Variants in CRYGB observed in about 807,000 individuals in gnomAD.
CRYGB encodes gamma-crystallin B.
In CRYGB, 19 loss-of-function variants were observed where a neutral mutation model predicts 21.3. The observed-to-expected ratio is 0.89, with a 90% CI of 0.62 to 1.31. CRYGB has a LOEUF of 1.31. CRYGB is among the 50% of genes most tolerant of loss of function. CRYGB has a pLI of 0.00. For missense variants in CRYGB, 254 were observed against 228.4 expected (o/e 1.11, Z -0.72); for synonymous variants, 81 against 81.2 (o/e 1.00, Z 0.01).
At chr2:208,145,620 C>T (rs1194727510) in intron 2 of CRYGB, among the ~76,000 whole-genome samples, 154 bp downstream of exon 2, 1 of 133,048 alleles carries the variant, frequency 7.5e-6, no homozygotes, top group African/African-American at 2.9e-5. Context: ...ACCCGGGAGG[C>T]GGAAGTTGCA....
At chr2:208,144,871 G>A (rs1331053782) in intron 2 of CRYGB, among the ~76,000 whole-genome samples, 6 of 152,046 alleles carry the variant, frequency 3.9e-5, no homozygotes, top group Non-Finnish European at 7.4e-5. Flanking sequence ...GTGAGCCACC[G>A]CACCCAGCCT....
Position 208,145,909 on chromosome 2 carries a change from C to G in CRYGB, c.117G>C (p.Glu39Asp). ...GCTCATAGATCATCCAGCAGCCGCT[C>G]TCCACCCTGATGGAGTTGCAGCGGC... ...YFSRCNSIRV[E>D]SGCWMIYERP... Residue 39 changes from glutamate (E) to aspartate (D), a missense_variant, in exon 2 of 3, where the codon GAG becomes GAC. Transcript: ENST00000260988. 1 of 1,614,108 alleles carries G rather than the reference C, an allele frequency of 6.2e-7. No individual in the cohort carries two copies. Among genetic ancestry groups the G allele is most frequent in the Non-Finnish European group, 8.5e-7 (1 of 1,180,036 alleles).
Position 208,145,834 on chromosome 2 carries a change from A to G in CRYGB, c.192T>C (p.Pro64=), listed in dbSNP as rs2854723. The G allele has an allele frequency of 0.52, 841,826 of 1,613,698 alleles. 224,329 individuals carry two copies. Among genetic ancestry groups the G allele is most frequent in the Non-Finnish European group, 0.55 (644,590 of 1,179,938 alleles). ...HQYFLRRGEY[P]DYQQWMGLSD... ...TGAGGCCCATCCATTGCTGGTAGTC[A>G]GGGTACTCCCCACGCCGCAGGAAGT... Residue 64 remains proline, a synonymous_variant, in exon 2 of 3, where the codon CCT becomes CCC. Transcript: ENST00000260988.
At chr2:208,143,735 G>A (rs1695401451) in intron 2 of CRYGB, among the ~76,000 whole-genome samples, 1 of 152,006 alleles carries the variant, frequency 6.6e-6, no homozygotes, top group South Asian at 2.1e-4. Flanking sequence ...ACTCCGTCAG[G>A]AGTTCAGGCG....
intron 2 of CRYGB, among the ~76,000 whole-genome samples, chr2:208,144,592 CTT>C (rs1211323075): frequency 1.1e-4 from 15 of 136,212 alleles, no homozygotes; most frequent in Non-Finnish European, 1.3e-4. Context: ...AATTTCTTTT[CTT>C]TTTTTTTTTT....
chr2:208,143,208 TGA>T (rs1408231769), intron 2 of CRYGB, among the ~76,000 whole-genome samples: 4 of 152,176 alleles, frequency 2.6e-5, no homozygotes, highest in Non-Finnish European at 5.9e-5. Flanking sequence ...AGGAGAAAAC[TGA>T]GAGTCATTGG....
intron 2 of CRYGB, among the ~76,000 whole-genome samples, chr2:208,143,742 G>A (rs1695401699): frequency 6.6e-6 from 1 of 152,042 alleles, no homozygotes; most frequent in Non-Finnish European, 1.5e-5. Flanking sequence ...CAGGAGTTCA[G>A]GCGATCCACC....
intron 2 of CRYGB, among the ~76,000 whole-genome samples, chr2:208,143,822 T>A (rs1489843065): frequency 2.6e-5 from 4 of 151,938 alleles, no homozygotes; most frequent in Non-Finnish European, 5.9e-5. Context: ...CTTATCCATG[T>A]CTAACCAGGA....
Position 208,145,956 on chromosome 2 carries a change from G to A in CRYGB, c.70C>T (p.Pro24Ser), listed in dbSNP as rs762772949. The change falls in exon 2 of 3, where the codon CCC becomes TCC. Residue 24 changes from proline (P) to serine (S), a missense_variant. Physicochemically the swap from Pro to Ser is moderately conservative, Grantham distance 74. Transcript: ENST00000260988. ...GRSYECTTDC[P>S]NLQPYFSRCN... Reference sequence around the variant, plus strand: ...CGGCTGAAATAGGGTTGTAGGTTGGGGCAGTCAGTGGTGCATTCGTAGCTG... The same window carrying A: ...CGGCTGAAATAGGGTTGTAGGTTGGAGCAGTCAGTGGTGCATTCGTAGCTG... 4 of 1,614,150 alleles carry A rather than the reference G, an allele frequency of 2.5e-6. No homozygotes were observed. In the East Asian group the frequency reaches 8.9e-5, roughly 36 times the overall value.
intron 2 of CRYGB, among the ~76,000 whole-genome samples, chr2:208,143,692 G>T (rs576460795): frequency 5.9e-5 from 9 of 152,226 alleles, no homozygotes; most frequent in African/African-American, 1.9e-4. Context: ...TAGTAGAGAC[G>T]GGCTTTGACT....
At chr2:208,143,913 G>A (rs1424822020) in intron 2 of CRYGB, among the ~76,000 whole-genome samples, 2 of 152,044 alleles carry the variant, frequency 1.3e-5, no homozygotes, top group Non-Finnish European at 2.9e-5. Context: ...TCCCTAAAAT[G>A]TATAAAAGCA....
At chr2:208,144,115 A>G (rs1309170724) in intron 2 of CRYGB, among the ~76,000 whole-genome samples, 5 of 149,184 alleles carry the variant, frequency 3.4e-5, no homozygotes, top group Non-Finnish European at 7.4e-5. Context: ...CTGCCACCCA[A>G]GTTCAAGCAA....
chr2:208,144,595 T>C (rs932094308), intron 2 of CRYGB, among the ~76,000 whole-genome samples: 2 of 150,048 alleles, frequency 1.3e-5, no homozygotes, highest in African/African-American at 4.9e-5. Flanking sequence ...TTCTTTTCTT[T>C]TTTTTTTTTT....
chr2:208,145,772 AC>A lies in CRYGB; in HGVS notation c.252+1del. ...GGAAGGCAAAGACAGAGCCACACTC[AC>A]CGGGGGGATGAGGCAGCAGGAGCGG... On this transcript the variant is annotated splice_donor_variant, in intron 2 of 2. Coordinates refer to ENST00000260988, the MANE Select transcript of CRYGB (RefSeq NM_005210.4). LOFTEE classifies it high-confidence loss of function. 1 of 1,610,890 alleles carries A rather than the reference AC, an allele frequency of 6.2e-7. No individual in the cohort carries two copies. The highest frequency in any genetic ancestry group is 1.1e-5 in the South Asian group (1 of 90,980).
chr2:208,145,831 G>T lies in CRYGB; in HGVS notation c.195C>A (p.Asp65Glu), dbSNP rs1387610067. ...QYFLRRGEYP[D>E]YQQWMGLSDS... is the part of the protein sequence containing the mutation. ...CGCTGAGGCCCATCCATTGCTGGTA[G>T]TCAGGGTACTCCCCACGCCGCAGGA... Residue 65 changes from aspartate to glutamate, a missense_variant, in exon 2 of 3, where the codon GAC becomes GAA. By Grantham distance (45) the Asp-to-Glu change is conservative. Coordinates refer to ENST00000260988, the MANE Select transcript of CRYGB (RefSeq NM_005210.4). The T allele has an allele frequency of 6.2e-7, 1 of 1,614,024 alleles. No homozygotes were observed. Among genetic ancestry groups the T allele is most frequent in the Admixed American group, 1.7e-5 (1 of 60,026 alleles).
At position 208,146,026 on chromosome 2, in the gene CRYGB, G is replaced by C; in HGVS notation, c.10-10C>G. On this transcript the variant is annotated splice_polypyrimidine_tract_variant and intron_variant, in intron 1 of 2. Coordinates refer to ENST00000260988, the MANE Select transcript of CRYGB (RefSeq NM_005210.4). ...CCTCGTAGAAGGTGATCTGAAAAAT[G>C]GAAGATGTGGGAGCATGGAGTGATT... 1 of 1,613,528 alleles carries C rather than the reference G, an allele frequency of 6.2e-7. No homozygotes were observed. The highest frequency in any genetic ancestry group is 8.5e-7 in the Non-Finnish European group (1 of 1,179,880).
In CRYGB at chr2:208,142,688, C is replaced by A. The variant is rs1045592971; in HGVS notation, c.478G>T (p.Ala160Ser). The A allele has an allele frequency of 1.3e-6, 2 of 1,583,622 alleles. No individual in the cohort carries two copies. Among genetic ancestry groups the A allele is most frequent in the Admixed American group, 1.9e-5 (1 of 52,686 alleles). Residue 160 changes from alanine to serine, a missense_variant, in exon 3 of 3, where the codon GCT (alanine) becomes TCT (serine). Physicochemically the swap from Ala to Ser is moderately conservative, Grantham distance 99 (BLOSUM62 1). Transcript: ENST00000260988. ...AGAGAGCCAACTTTGGCATTTGGAGCCCCCCAATCAAGAAACCTCCTGTAC... is the reference window on the plus strand; with the variant it reads ...AGAGAGCCAACTTTGGCATTTGGAGACCCCCAATCAAGAAACCTCCTGTAC... ...GEYRRFLDWG[A>S]PNAKVGSLRR...
chr2:208,143,880 C>T (rs1402046605), intron 2 of CRYGB, among the ~76,000 whole-genome samples: 2 of 152,110 alleles, frequency 1.3e-5, no homozygotes, highest in Non-Finnish European at 2.9e-5. Flanking sequence ...ACAACTTATA[C>T]ATATTGATTG....
At chr2:208,143,469 T>C (rs180898063) in intron 2 of CRYGB, among the ~76,000 whole-genome samples, 20 of 148,710 alleles carry the variant, frequency 1.3e-4, no homozygotes, top group African/African-American at 4.9e-4. Flanking sequence ...AGTGGAAAGC[T>C]GATCAAGGGC....
Sources: gnomAD v4.1 joint callset for allele counts (sites outside exome capture counted in the v4.1 genomes callset) on GRCh38, gnomAD v4.1.1 for gene constraint, MANE v1.5 for transcripts, NCBI Gene and HGNC (gene_info 2026-07-23, HGNC 2026-07-21) for gene names.